Variants in SH2D1B observed in about 807,000 individuals in gnomAD.
SH2D1B encodes the protein SH2 domain-containing protein 1B.
In SH2D1B, 11 loss-of-function variants were observed where a neutral mutation model predicts 16.3. The observed-to-expected ratio is 0.67, with a 90% CI of 0.42 to 1.11. The LOEUF (loss-of-function observed/expected upper bound fraction) is 1.11. SH2D1B is among the 50% of genes most tolerant of loss of function. The pLI, the probability that SH2D1B is intolerant of heterozygous loss-of-function variation, is 0.00. For synonymous variants in SH2D1B, 55 were observed against 56.1 expected, an observed-to-expected ratio of 0.98 and a Z score of 0.09; for missense variants, 123 against 153.1, an observed-to-expected ratio of 0.80 and a Z score of 1.04.
chr1:162,412,075 G>A lies in SH2D1B; in HGVS notation c.-59C>T. On this transcript the variant is annotated 5_prime_UTR_variant, in exon 1 of 4. Transcript: ENST00000367929. ...GGCCTGAAATTCACCCCCAAGTCAA[G>A]GGACAGCTCTGAGGAGAGATGTGTA... 2.5e-6 allele frequency: 4 copies of A among 1,609,416 alleles called. No homozygotes were observed. Among genetic ancestry groups the A allele is most frequent in the Non-Finnish European group, 3.4e-6 (4 of 1,176,860 alleles).
intron 1 of SH2D1B, among the ~76,000 whole-genome samples, chr1:162,410,805 C>T (rs188840836): frequency 3.3e-5 from 5 of 151,732 alleles, no homozygotes; most frequent in Non-Finnish European, 4.4e-5. Context: ...TACAAGCATA[C>T]GCCACCACAC....
Position 162,396,013 on chromosome 1 carries a change from C to T in SH2D1B, c.*1267G>A, listed in dbSNP as rs905446049. 5.9e-5 allele frequency: 9 copies of T among 152,166 alleles called. No individual in the cohort carries two copies. The highest frequency in any genetic ancestry group is 1.3e-4 in the Non-Finnish European group (9 of 68,022). 9.4% of individuals were successfully genotyped at this position (152,166 alleles called of 1,614,324 possible). On this transcript the variant is annotated 3_prime_UTR_variant, in exon 4 of 4. Coordinates refer to ENST00000367929, the MANE Select transcript of SH2D1B (RefSeq NM_053282.5). ...AATCAAGGTCCATGAATACCTAAGC[C>T]AGTTTTGAAAAGTAAAAGAGGACAT...
chr1:162,407,179 A>G (rs745380500), intron 1 of SH2D1B, among the ~76,000 whole-genome samples: 1 of 152,244 alleles, frequency 6.6e-6, no homozygotes, highest in African/African-American at 2.4e-5. Context: ...CAATATTTCA[A>G]CGTAGGTTCT....
At position 162,412,053 on chromosome 1, in the gene SH2D1B, C is replaced by T. The variant is rs1375992789; in HGVS notation, c.-37G>A. The T allele has an allele frequency of 6.2e-7, 1 of 1,612,156 alleles. No homozygotes were observed. Among genetic ancestry groups the T allele is most frequent in the Non-Finnish European group, 8.5e-7 (1 of 1,178,638 alleles). On this transcript the variant is annotated 5_prime_UTR_variant, in exon 1 of 4. Transcript: ENST00000367929. ...TTGTATCCCAGGAAGCCCTGTTGGC[C>T]TGAAATTCACCCCCAAGTCAAGGGA...
rs377292960 is a variant in SH2D1B, at chr1:162,412,024, G to A, written c.-8C>T. ...GTAGTAAGGCAGATCCATGGAGAAC[G>A]CTCTTGTATCCCAGGAAGCCCTGTT... is the stretch of plus-strand genomic sequence containing the variant. On this transcript the variant is annotated 5_prime_UTR_variant, in exon 1 of 4. Coordinates refer to ENST00000367929, the MANE Select transcript of SH2D1B (RefSeq NM_053282.5). The A allele has an allele frequency of 4.3e-5, 69 of 1,613,846 alleles. 1 individual carries two copies. The highest frequency in any genetic ancestry group is 3.1e-4 in the South Asian group (28 of 91,080).
chr1:162,399,997 AT>A (rs1373114344), intron 2 of SH2D1B, among the ~76,000 whole-genome samples: 4 of 152,156 alleles, frequency 2.6e-5, no homozygotes, highest in African/African-American at 9.7e-5. Context: ...GGTTTTTCAA[AT>A]TTGGAGAACA....
chr1:162,404,440 G>A (rs1191189262), intron 1 of SH2D1B, among the ~76,000 whole-genome samples: 1 of 152,100 alleles, frequency 6.6e-6, no homozygotes, highest in East Asian at 1.9e-4. Context: ...ATGAGGTAAT[G>A]CATATGTTAA....
At chr1:162,411,827 A>C in intron 1 of SH2D1B, 56 bp downstream of exon 1, 1 of 1,610,738 alleles carries the variant, frequency 6.2e-7, no homozygotes, top group Non-Finnish European at 8.5e-7. Flanking sequence ...ACTGTGTGGC[A>C]GCCATTGCCA....
intron 3 of SH2D1B, 119 bp from the exon 4 acceptor site, chr1:162,397,434 A>G: frequency 9.6e-7 from 1 of 1,037,628 alleles, no homozygotes. Flanking sequence ...TGTTGATGCC[A>G]CCTGAAAGTT....
At chr1:162,408,958 A>G (rs1281857349) in intron 1 of SH2D1B, among the ~76,000 whole-genome samples, 2 of 151,892 alleles carry the variant, frequency 1.3e-5, no homozygotes, top group African/African-American at 2.4e-5. Context: ...AAATTTAAAC[A>G]TTAACCAGGC....
At chr1:162,400,286 C>CTTTTTTTTTTTTTTTTTTTTT (rs1241054289) in intron 2 of SH2D1B, among the ~76,000 whole-genome samples, 3 of 83,286 alleles carry the variant, frequency 3.6e-5, no homozygotes, top group East Asian at 4.0e-4. Context: ...ACACCACGTA[C>CTTTTTTTTTTTTTTTTTTTTT]TTTTTTTTTT....
intron 2 of SH2D1B, among the ~76,000 whole-genome samples, chr1:162,399,430 C>T (rs1294516069): frequency 2.0e-5 from 3 of 152,154 alleles, no homozygotes; most frequent in Non-Finnish European, 4.4e-5. Flanking sequence ...TACAGGCGGG[C>T]TTTGCTATCT....
intron 1 of SH2D1B, among the ~76,000 whole-genome samples, chr1:162,403,507 AAAAAATATATATATATATATAT>A (rs1434682079): frequency 0.027 from 563 of 21,022 alleles, 19 homozygotes; most frequent in East Asian, 0.043. Context: ...AAAAAAAAAA[AAAAAATATATATATATATATAT>A]ATATATATAT....
At chr1:162,399,307 G>T (rs1303646502) in intron 2 of SH2D1B, among the ~76,000 whole-genome samples, 6 of 152,114 alleles carry the variant, frequency 3.9e-5, no homozygotes, top group Non-Finnish European at 7.3e-5. Flanking sequence ...GCAATCAAGG[G>T]ATCCCAGCGC....
chr1:162,403,505 AAAAAAAATATATATAT>A (rs1648576080), intron 1 of SH2D1B, among the ~76,000 whole-genome samples: 3 of 53,886 alleles, frequency 5.6e-5, no homozygotes, highest in African/African-American at 2.1e-4. Context: ...AAAAAAAAAA[AAAAAAAATATATATAT>A]ATATATATAT....
intron 1 of SH2D1B, among the ~76,000 whole-genome samples, chr1:162,404,755 A>G (rs1477044361): frequency 1.3e-5 from 2 of 152,250 alleles, no homozygotes; most frequent in African/African-American, 4.8e-5. Flanking sequence ...AGATACCACT[A>G]CACACTTATT....
Position 162,411,972 on chromosome 1 carries a change from A to G in SH2D1B, c.45T>C (p.Cys15=), listed in dbSNP as rs1323808596. Residue 15 remains cysteine, a synonymous_variant, in exon 1 of 4, where the codon TGT becomes TGC. Transcript: ENST00000367929. ...YYHGRLTKQD[C]ETLLLKEGVD... ...CCCCTTCCTTGAGCAGCAAGGTCTC[A>G]CAGTCTTGCTTGGTCAGACGTCCAT... is the stretch of plus-strand genomic sequence containing the variant. The G allele has an allele frequency of 2.5e-6, 4 of 1,613,940 alleles. No homozygotes were observed. Among genetic ancestry groups the G allele is most frequent in the Non-Finnish European group, 3.4e-6 (4 of 1,179,964 alleles).
At chr1:162,405,300 A>G (rs1648627089) in intron 1 of SH2D1B, among the ~76,000 whole-genome samples, 1 of 152,204 alleles carries the variant, frequency 6.6e-6, no homozygotes, top group East Asian at 1.9e-4. Context: ...GAAATTACAA[A>G]GGGGTGCAAG....
chr1:162,411,578 C>T (rs1053515275), intron 1 of SH2D1B, among the ~76,000 whole-genome samples: 1 of 152,212 alleles, frequency 6.6e-6, no homozygotes, highest in African/African-American at 2.4e-5. Context: ...GGACCTCTGA[C>T]ATTTGTACCT....
Sources: gnomAD v4.1 joint callset for allele counts (sites outside exome capture counted in the v4.1 genomes callset) on GRCh38, gnomAD v4.1.1 for gene constraint, MANE v1.5 for transcripts, NCBI Gene and HGNC (gene_info 2026-07-23, HGNC 2026-07-21) for gene names.